Variants in ANO4 observed in about 807,000 individuals in gnomAD.
The protein encoded by ANO4 is anoctamin-4.
Under a neutral mutation model 141.9 loss-of-function variants are expected in ANO4, and 69 were observed. The ratio of observed to expected loss-of-function variants is 0.49; its 90% CI spans 0.40 to 0.59. The LOEUF is 0.59. Ranked by LOEUF, ANO4 falls within the 20% of genes least tolerant of loss-of-function variation. The pLI, the probability that ANO4 is intolerant of heterozygous loss-of-function variation, is 0.00. For synonymous variants in ANO4, 350 were observed against 394.3 expected (o/e 0.89, Z 1.33); for missense variants, 894 against 1,162.2 (o/e 0.77, Z 3.36).
intron 7 of ANO4, among the ~76,000 whole-genome samples, chr12:100,976,053 T>C (rs1488549700): frequency 6.6e-6 from 1 of 151,968 alleles, no homozygotes; most frequent in Non-Finnish European, 1.5e-5. Context: ...AATGCATCAA[T>C]GATGATGTCC....
intron 1 of ANO4, among the ~76,000 whole-genome samples, chr12:100,836,926 G>C (rs772451107): frequency 1.4e-4 from 21 of 152,248 alleles, no homozygotes; most frequent in Admixed American, 1.1e-3. Flanking sequence ...TCTTAACTTT[G>C]ACTGCAGGTC....
intron 1 of ANO4, among the ~76,000 whole-genome samples, chr12:100,727,001 T>A (rs2031161230): frequency 6.6e-6 from 1 of 150,464 alleles, no homozygotes; most frequent in Non-Finnish European, 1.5e-5. Context: ...CTACTCTGAT[T>A]TTTATCATCA....
intron 1 of ANO4, among the ~76,000 whole-genome samples, chr12:100,855,389 A>G (rs546801730): frequency 2.0e-5 from 3 of 152,252 alleles, no homozygotes; most frequent in South Asian, 4.1e-4. Context: ...AAAATGATCT[A>G]TTTTTATTCT....
chr12:100,983,307 G>A (rs1359021136), intron 7 of ANO4, among the ~76,000 whole-genome samples: 2 of 152,198 alleles, frequency 1.3e-5, no homozygotes, highest in African/African-American at 4.8e-5. Flanking sequence ...TTTAAGAGGT[G>A]TATTCATTTC....
chr12:101,069,055 G>C lies in ANO4; in HGVS notation c.1313-10138G>C. 6.9e-6 allele frequency: 6 copies of C among 868,424 alleles called. No individual in the cohort carries two copies. In the South Asian group the frequency reaches 7.9e-5, roughly 11 times the overall value. 53.8% of individuals were successfully genotyped at this position (868,424 alleles called of 1,614,324 possible). ...AGTTGGCTAAGGTACACTAGGAGGAGTGCTGCCAGAAATTTGAATAGCTTT... is the reference window on the plus strand; with the variant it reads ...AGTTGGCTAAGGTACACTAGGAGGACTGCTGCCAGAAATTTGAATAGCTTT... On this transcript the variant is annotated intron_variant, in intron 14 of 27. Transcript: ENST00000392977.
At chr12:101,062,694 A>T (rs1317496551) in intron 14 of ANO4, among the ~76,000 whole-genome samples, 1 of 152,100 alleles carries the variant, frequency 6.6e-6, no homozygotes, top group Non-Finnish European at 1.5e-5. Context: ...TGAGGGGAAA[A>T]TTACCTACTC....
At chr12:101,024,885 T>A (rs1195494387) in intron 9 of ANO4, among the ~76,000 whole-genome samples, 3 of 152,216 alleles carry the variant, frequency 2.0e-5, no homozygotes, top group Non-Finnish European at 2.9e-5. Context: ...TTACTATGAT[T>A]AAAAGCATCT....
At chr12:101,117,526 C>A (rs1411230005) in intron 25 of ANO4, among the ~76,000 whole-genome samples, 3 of 152,150 alleles carry the variant, frequency 2.0e-5, no homozygotes, top group Admixed American at 1.3e-4. Flanking sequence ...CTTGAAGAGT[C>A]CAGATGGCAC....
chr12:100,887,087 A>G (rs977356952), intron 1 of ANO4, among the ~76,000 whole-genome samples: 1 of 152,228 alleles, frequency 6.6e-6, no homozygotes, highest in African/African-American at 2.4e-5. Flanking sequence ...AAGTGACAAA[A>G]ATCTTATATA....
chr12:100,830,566 C>T (rs1245788346), intron 1 of ANO4, among the ~76,000 whole-genome samples: 4 of 151,780 alleles, frequency 2.6e-5, no homozygotes, highest in Non-Finnish European at 4.4e-5. Context: ...CATCACAGAC[C>T]ATCAGCCCTC....
chr12:100,883,924 A>G (rs1262099594), intron 1 of ANO4, among the ~76,000 whole-genome samples: 1 of 152,224 alleles, frequency 6.6e-6, no homozygotes, highest in East Asian at 1.9e-4. Flanking sequence ...AGGCATTTCA[A>G]ATGGGCCTTA....
intron 14 of ANO4, among the ~76,000 whole-genome samples, chr12:101,076,191 AG>A (rs1000731515): frequency 6.6e-6 from 1 of 152,112 alleles, no homozygotes; most frequent in Non-Finnish European, 1.5e-5. Flanking sequence ...GGTATTAGTA[AG>A]GGGGGCCTCT....
intron 14 of ANO4, among the ~76,000 whole-genome samples, chr12:101,058,378 GT>G (rs1435812605): frequency 6.6e-6 from 1 of 152,142 alleles, no homozygotes; most frequent in Non-Finnish European, 1.5e-5. Context: ...ATTTAAAGTA[GT>G]GTTTTCTAAT....
At chr12:101,115,807 G>A (rs1274357586) in intron 24 of ANO4, among the ~76,000 whole-genome samples, 1 of 152,094 alleles carries the variant, frequency 6.6e-6, no homozygotes, top group Non-Finnish European at 1.5e-5. Flanking sequence ...ATTCAATCTA[G>A]AATGATCAAT....
chr12:100,774,862 T>C (rs1243473435), intron 3 of ANO4, among the ~76,000 whole-genome samples: 1 of 152,214 alleles, frequency 6.6e-6, no homozygotes, highest in Non-Finnish European at 1.5e-5. Context: ...ATATGAAAAG[T>C]AGGAAATAAC....
chr12:100,953,219 T>C (rs1217113495), intron 5 of ANO4, among the ~76,000 whole-genome samples: 1 of 152,236 alleles, frequency 6.6e-6, no homozygotes, highest in Admixed American at 6.5e-5. Flanking sequence ...TGCTATGTTA[T>C]GATAAATTGC....
Position 101,083,696 on chromosome 12 carries a change from T to A in ANO4, c.1414T>A (p.Phe472Ile), listed in dbSNP as rs1389525765. 6.2e-7 allele frequency: 1 copy of A among 1,608,524 alleles called. No individual in the cohort carries two copies. The highest frequency in any genetic ancestry group is 8.5e-7 in the Non-Finnish European group (1 of 1,178,804). Residue 472 changes from phenylalanine (F) to isoleucine (I), a missense_variant, in exon 16 of 28, where the codon TTT becomes ATT. Transcript: ENST00000392977. ...CCTTTAGGAAGAAATACGACCCCAG[T>A]TTGAAGCCAAGTATTCCAAGAAAGA... Reference protein sequence around the residue: ...EEEEEEIRPQFEAKYSKKERM... With the variant: ...EEEEEEIRPQIEAKYSKKERM...
intron 14 of ANO4, among the ~76,000 whole-genome samples, chr12:101,072,980 T>C (rs562863362): frequency 3.1e-4 from 47 of 152,044 alleles, no homozygotes; most frequent in South Asian, 6.2e-4. Context: ...TTTTACACTG[T>C]TCATGGGAGT....
chr12:100,750,170 C>T (rs1593266572), intron 3 of ANO4, among the ~76,000 whole-genome samples: 1 of 151,508 alleles, frequency 6.6e-6, no homozygotes, highest in African/African-American at 2.4e-5. Context: ...AGTCTCACTC[C>T]ATCATCCAGG....
Sources: gnomAD v4.1 joint callset for allele counts (sites outside exome capture counted in the v4.1 genomes callset) on GRCh38, gnomAD v4.1.1 for gene constraint, MANE v1.5 for transcripts, NCBI Gene and HGNC (gene_info 2026-07-23, HGNC 2026-07-21) for gene names.